Variants in ITPR1 observed in about 807,000 individuals in gnomAD.
ITPR1 encodes the protein inositol 1,4,5-trisphosphate receptor type 1.
ITPR1 carries 96 observed loss-of-function variants against 318.4 expected under a neutral mutation model. That is an observed-to-expected ratio of 0.30 (90% CI 0.26 to 0.36). ITPR1 has a LOEUF of 0.36. ITPR1 is among the 10% of genes least tolerant of loss of function. The pLI, the probability that ITPR1 is intolerant of heterozygous loss-of-function variation, is 1.00. For synonymous variants in ITPR1, 1,312 were observed against 1,289.9 expected (o/e 1.02, Z -0.37); for missense variants, 2,440 against 3,460.2 (o/e 0.71, Z 7.40).
chr3:4,602,528 G>C (rs1329231917), intron 4 of ITPR1, among the ~76,000 whole-genome samples: 2 of 106,808 alleles, frequency 1.9e-5, no homozygotes, highest in Admixed American at 9.5e-5. Flanking sequence ...GACCCTCTCA[G>C]AAAAAAAAAA....
rs567904994 is a variant in ITPR1, at chr3:4,616,628, G to A, written c.164-11135G>A. On this transcript the variant is annotated intron_variant, in intron 4 of 61. Transcript: ENST00000649015. ...AGAATTTTTAAAACAATGGTAGCTC[G>A]TGGATTGTCTTTTTGGTCAATGAGA... 7.9e-5 allele frequency among the ~76,000 whole-genome samples: 12 copies of A among 152,148 alleles called. No individual in the cohort carries two copies. In the South Asian group the frequency reaches 1.4e-3, roughly 18 times the overall value.
At chr3:4,745,692 C>T (rs2044053641) in intron 44 of ITPR1, among the ~76,000 whole-genome samples, 2 of 152,170 alleles carry the variant, frequency 1.3e-5, no homozygotes, top group Admixed American at 6.5e-5. Flanking sequence ...ATGCCAACAC[C>T]TCCCAAAGAT....
chr3:4,699,744 G>C (rs918539417), intron 34 of ITPR1, 69 bp from the exon 35 acceptor site: 18 of 1,511,130 alleles, frequency 1.2e-5, no homozygotes, highest in Non-Finnish European at 1.6e-5. Context: ...CCACAGGAGG[G>C]AGTCGCAGAT....
intron 4 of ITPR1, among the ~76,000 whole-genome samples, chr3:4,603,605 T>G (rs1044952236): frequency 6.6e-6 from 1 of 152,022 alleles, no homozygotes; most frequent in African/African-American, 2.4e-5. Flanking sequence ...AATTTTTGTG[T>G]TTTTAGTAGA....
At chr3:4,548,952 C>A (rs1009729279) in intron 4 of ITPR1, among the ~76,000 whole-genome samples, 4 of 152,046 alleles carry the variant, frequency 2.6e-5, no homozygotes, top group Non-Finnish European at 4.4e-5. Flanking sequence ...AATGGAAGGC[C>A]GATGTGTGTT....
At chr3:4,634,287 C>G (rs2093110618) in intron 5 of ITPR1, among the ~76,000 whole-genome samples, 1 of 152,062 alleles carries the variant, frequency 6.6e-6, no homozygotes, top group Non-Finnish European at 1.5e-5. Flanking sequence ...GTTCCCGGCT[C>G]ACTGCAGCCT....
intron 4 of ITPR1, among the ~76,000 whole-genome samples, chr3:4,573,348 C>T (rs2088240416): frequency 6.6e-6 from 1 of 152,098 alleles, no homozygotes; most frequent in South Asian, 2.1e-4. Flanking sequence ...GACTGCTTCC[C>T]ATCTATCACT....
In ITPR1 at chr3:4,555,021, C is replaced by T. The variant is rs138040752; in HGVS notation, c.163+33927C>T. On this transcript the variant is annotated intron_variant, in intron 4 of 61. Coordinates refer to ENST00000649015, the MANE Select transcript of ITPR1 (RefSeq NM_001378452.1). ...AGCATGATCTGGGGATGGAACTGTA[C>T]CCGCGGAATGTGTTTCCATCTGTCA... 5.3e-5 allele frequency among the ~76,000 whole-genome samples: 8 copies of T among 152,200 alleles called. No individual in the cohort carries two copies. In the South Asian group the frequency reaches 1.0e-3, roughly 20 times the overall value.
At chr3:4,731,267 T>C (rs931843454) in intron 42 of ITPR1, among the ~76,000 whole-genome samples, 2 of 152,218 alleles carry the variant, frequency 1.3e-5, no homozygotes, top group African/African-American at 4.8e-5. Flanking sequence ...TGCCTGAGAC[T>C]GGAATACCAG....
chr3:4,813,798 T>A (rs1193387967), intron 57 of ITPR1, among the ~76,000 whole-genome samples: 2 of 152,200 alleles, frequency 1.3e-5, no homozygotes, highest in Admixed American at 6.5e-5. Context: ...GGATCTTCTA[T>A]GTCAGGCGTA....
At chr3:4,699,726 A>C in intron 34 of ITPR1, 87 bp from the exon 35 acceptor site, 1 of 1,361,208 alleles carries the variant, frequency 7.3e-7, no homozygotes, top group South Asian at 1.4e-5. Flanking sequence ...TCATTTGTTA[A>C]AAGTAACCCA....
intron 29 of ITPR1, 54 bp downstream of exon 29, chr3:4,684,400 C>A (rs2094354580): frequency 1.5e-6 from 2 of 1,310,954 alleles, no homozygotes; most frequent in African/African-American, 1.5e-5. Flanking sequence ...CTCTAAGGAG[C>A]TTTAGTTTGT....
intron 60 of ITPR1, among the ~76,000 whole-genome samples, chr3:4,824,127 G>T (rs1336490150): frequency 6.6e-6 from 1 of 152,204 alleles, no homozygotes; most frequent in Non-Finnish European, 1.5e-5. Flanking sequence ...GAAATATCGG[G>T]GGAGAACCTG....
intron 2 of ITPR1, among the ~76,000 whole-genome samples, chr3:4,502,745 C>A (rs2081115515): frequency 6.6e-6 from 1 of 151,942 alleles, no homozygotes; most frequent in Admixed American, 6.6e-5. Flanking sequence ...GGCCCCTGTA[C>A]CCCTCTCCTG....
chr3:4,707,457 G>C (rs752923360), intron 37 of ITPR1, among the ~76,000 whole-genome samples: 13 of 152,216 alleles, frequency 8.5e-5, no homozygotes, highest in Non-Finnish European at 1.6e-4. Context: ...TGGCGGCTGT[G>C]TCCCAAGATG....
In ITPR1 at chr3:4,768,693, G is replaced by A; in HGVS notation, c.5908G>A (p.Val1970Ile). Residue 1970 changes from valine (V) to isoleucine (I), a missense_variant, in exon 46 of 62, where the codon GTC becomes ATC. Val to Ile is a conservative substitution (Grantham distance 29). This residue lies in a region of ITPR1 where 113 missense variants were observed against 103.6 expected (regional missense o/e 1.09). Transcript: ENST00000649015. Reference protein sequence around the residue: ...KAKDDLEMSAVITIMQPILRF... With the variant: ...KAKDDLEMSAIITIMQPILRF... ...CAAGGACGACCTGGAGATGAGCGCG[G>A]TCATCACCATCATGCAGCCCATCCT... 6.2e-7 allele frequency: 1 copy of A among 1,613,616 alleles called. No homozygotes were observed. Among genetic ancestry groups the A allele is most frequent in the Non-Finnish European group, 8.5e-7 (1 of 1,179,638 alleles).
chr3:4,683,618 G>T lies in ITPR1; in HGVS notation c.3328-10G>T. ...CTGTTGTGTGCACCTAACGGATTGCGTTCATTAAGGTTCAACTGCTGGTTA... is the reference window on the plus strand; with the variant it reads ...CTGTTGTGTGCACCTAACGGATTGCTTTCATTAAGGTTCAACTGCTGGTTA... On this transcript the variant is annotated splice_polypyrimidine_tract_variant and intron_variant, in intron 27 of 61. Coordinates refer to ENST00000649015, the MANE Select transcript of ITPR1 (RefSeq NM_001378452.1). 1 of 1,614,024 alleles carries T rather than the reference G, an allele frequency of 6.2e-7. No individual in the cohort carries two copies. The highest frequency in any genetic ancestry group is 8.5e-7 in the Non-Finnish European group (1 of 1,179,882).
In ITPR1 at chr3:4,710,781, G is replaced by A. The variant is rs1029545340; in HGVS notation, c.4991+308G>A. On this transcript the variant is annotated intron_variant, in intron 38 of 61. Coordinates refer to ENST00000649015, the MANE Select transcript of ITPR1 (RefSeq NM_001378452.1). The surrounding 1 kb of genome is among the most constrained non-coding windows in gnomAD (Gnocchi z 4.2). Reference sequence around the variant, plus strand: ...TGTGGTACAGACATAAAAAAGCCATGATCCCTCAGCCCTCAGAAATCTCAG... The same window carrying A: ...TGTGGTACAGACATAAAAAAGCCATAATCCCTCAGCCCTCAGAAATCTCAG... 2.6e-5 allele frequency among the ~76,000 whole-genome samples: 4 copies of A among 152,168 alleles called. No homozygotes were observed. Among genetic ancestry groups the A allele is most frequent in the Admixed American group, 6.5e-5 (1 of 15,292 alleles).
At chr3:4,585,719 G>A (rs1450497386) in intron 4 of ITPR1, among the ~76,000 whole-genome samples, 2 of 152,040 alleles carry the variant, frequency 1.3e-5, no homozygotes, top group Non-Finnish European at 2.9e-5. Context: ...TTACAGGCAT[G>A]AGCCACCGCA....
Sources: gnomAD v4.1 joint callset for allele counts (sites outside exome capture counted in the v4.1 genomes callset) on GRCh38, gnomAD v4.1.1 for gene constraint, gnomAD v4.1.1 regional missense constraint, Gnocchi (gnomAD v3.1) non-coding constraint, MANE v1.5 for transcripts, NCBI Gene and HGNC (gene_info 2026-07-23, HGNC 2026-07-21) for gene names.